The following MYH9 variants were observed in gnomAD, a reference collection of about 807,000 sequenced individuals.
MYH9 encodes the protein myosin heavy chain 9.
Under a neutral mutation model 241.9 loss-of-function variants are expected in MYH9, and 29 were observed. The ratio of observed to expected loss-of-function variants is 0.12; its 90% CI spans 0.09 to 0.16. MYH9 has a LOEUF of 0.16. Among genes scored for constraint, MYH9 ranks in the 10% least tolerant of loss-of-function variants. MYH9 has a pLI of 1.00. For missense variants in MYH9, 1,803 were observed against 2,595.5 expected (o/e 0.69, Z 6.63); for synonymous variants, 1,047 against 1,062.6 (o/e 0.99, Z 0.29).
At chr22:36,358,847 A>C (rs372308445) in intron 1 of MYH9, among the ~76,000 whole-genome samples, 2 of 152,220 alleles carry the variant, frequency 1.3e-5, no homozygotes, top group African/African-American at 4.8e-5. Context: ...TTATTTGATC[A>C]GTTCAAAATG....
chr22:36,301,653 G>A lies in MYH9; in HGVS notation c.2512C>T (p.Leu838=), dbSNP rs2016879741. ...TCCTCCTCCTGCCGGCTCACCTGCAGCAGCGGCTTGACCTGGGAGAGGAGA... is the reference window on the plus strand; with the variant it reads ...TCCTCCTCCTGCCGGCTCACCTGCAACAGCGGCTTGACCTGGGAGAGGAGA... ...WRLFTKVKPL[L]QVSRQEEEMM... is the part of the protein sequence containing the mutation. Residue 838 remains leucine (L), a synonymous_variant, in exon 21 of 41, where the codon CTG becomes TTG. Transcript: ENST00000216181. The A allele has an allele frequency of 6.2e-7, 1 of 1,613,654 alleles. No homozygotes were observed. The highest frequency in any genetic ancestry group is 8.5e-7 in the Non-Finnish European group (1 of 1,180,024).
intron 1 of MYH9, among the ~76,000 whole-genome samples, chr22:36,356,798 A>G (rs2017864436): frequency 6.6e-6 from 1 of 152,186 alleles, no homozygotes. Flanking sequence ...TGGAGTGTCC[A>G]CCTGGGCAAT....
Position 36,306,389 on chromosome 22 carries a change from G to A in MYH9, c.2037+25C>T, listed in dbSNP as rs200459178. ...CACCCCACACCACAGTGCCCTGCCC[G>A]GGCCACCCCACCAGGCAGCCGCACC... On this transcript the variant is annotated intron_variant, in intron 16 of 40. Transcript: ENST00000216181. The surrounding 1 kb of genome is among the most constrained non-coding windows in gnomAD (Gnocchi z 4.1). 47 of 1,613,634 alleles carry A rather than the reference G, an allele frequency of 2.9e-5. No individual in the cohort carries two copies. In the East Asian group the frequency reaches 4.0e-4, roughly 14 times the overall value.
At chr22:36,368,741 A>T (rs189565345) in intron 1 of MYH9, among the ~76,000 whole-genome samples, 3 of 152,218 alleles carry the variant, frequency 2.0e-5, no homozygotes, top group East Asian at 3.9e-4. Context: ...CAGGAATTTA[A>T]TAAGCCTGGA....
intron 1 of MYH9, among the ~76,000 whole-genome samples, chr22:36,357,747 C>T (rs2017878616): frequency 6.6e-6 from 1 of 152,156 alleles, no homozygotes; most frequent in Admixed American, 6.5e-5. Flanking sequence ...CCCAGGACCC[C>T]ATAAAAATGG....
chr22:36,325,239 C>A (rs2017317263), intron 5 of MYH9: 2 of 645,820 alleles, frequency 3.1e-6, no homozygotes, highest in Non-Finnish European at 5.5e-6. Flanking sequence ...ACTCCTGACG[C>A]CCCATGGAAA....
intron 13 of MYH9, among the ~76,000 whole-genome samples, chr22:36,313,396 G>A (rs1273934063): frequency 7.2e-6 from 1 of 139,040 alleles, no homozygotes; most frequent in Non-Finnish European, 1.5e-5. Flanking sequence ...AGCTTGCAGT[G>A]AGCCAAGATC....
At chr22:36,376,802 G>A (rs1031304520) in intron 1 of MYH9, among the ~76,000 whole-genome samples, 4 of 152,176 alleles carry the variant, frequency 2.6e-5, no homozygotes, top group African/African-American at 9.7e-5. Context: ...AGTGGCTCAT[G>A]CCTGTAATCC....
In MYH9 at chr22:36,330,085, G is replaced by A. The variant is rs989378434; in HGVS notation, c.491-2597C>T. Among the ~76,000 whole-genome samples, 6 of 152,138 alleles carry A rather than the reference G, an allele frequency of 3.9e-5. No homozygotes were observed. The highest frequency in any genetic ancestry group is 2.1e-4 in the South Asian group (1 of 4,832). ...CACAGGCACACACACTTCAAATTCC[G>A]AAACCCCAGAGCCAAATTCAGTGTC... On this transcript the variant is annotated intron_variant, in intron 3 of 40. Coordinates refer to ENST00000216181, the MANE Select transcript of MYH9 (RefSeq NM_002473.6). This position sits in a 1 kb window ranked among gnomAD's most constrained non-coding sequence, Gnocchi z 4.5.
At chr22:36,314,642 T>G (rs2017121679) in intron 12 of MYH9, among the ~76,000 whole-genome samples, 1 of 144,896 alleles carries the variant, frequency 6.9e-6, no homozygotes, top group Admixed American at 6.7e-5. Context: ...AATACATTGT[T>G]TTTTTTTTTT....
intron 31 of MYH9, 88 bp from the exon 32 acceptor site, chr22:36,289,385 A>T (rs2016648971): frequency 7.7e-7 from 1 of 1,292,448 alleles, no homozygotes; most frequent in South Asian, 1.3e-5. Flanking sequence ...GGGAAGGAGG[A>T]GCCCAGAGGC....
chr22:36,326,723 T>G, intron 4 of MYH9, 62 bp from the exon 5 acceptor site: 4 of 1,380,256 alleles, frequency 2.9e-6, no homozygotes, highest in Non-Finnish European at 4.1e-6. Flanking sequence ...CCTCTGTCCC[T>G]TCCCACTGCA....
chr22:36,351,666 C>T (rs898114754), intron 1 of MYH9, among the ~76,000 whole-genome samples: 4 of 152,082 alleles, frequency 2.6e-5, no homozygotes, highest in African/African-American at 7.2e-5. Context: ...GTCTCCCCAT[C>T]GCGCCCCTGC....
At chr22:36,364,873 T>A (rs1825875135) in intron 1 of MYH9, 1 of 152,204 alleles carries the variant, frequency 6.6e-6, no homozygotes, top group Non-Finnish European at 1.5e-5. Context: ...AACAGCAAAC[T>A]TTGCAGCTTG....
chr22:36,371,747 C>G (rs2018093509), intron 1 of MYH9, among the ~76,000 whole-genome samples: 1 of 152,052 alleles, frequency 6.6e-6, no homozygotes, highest in Non-Finnish European at 1.5e-5. Context: ...GTTGGCCTGG[C>G]TGGTCTCGAA....
At position 36,295,119 on chromosome 22, in the gene MYH9, G is replaced by C. The variant is rs139310975; in HGVS notation, c.3486-43C>G. 6.2e-7 allele frequency: 1 copy of C among 1,613,614 alleles called. No individual in the cohort carries two copies. Among genetic ancestry groups the C allele is most frequent in the African/African-American group, 1.3e-5 (1 of 75,022 alleles). ...CTCAGAGTGGAGGCCGGGGATGCTG[G>C]AGCGAGGCTGTCCCTGGGGCTCTTC... On this transcript the variant is annotated intron_variant, in intron 26 of 40. Coordinates refer to ENST00000216181, the MANE Select transcript of MYH9 (RefSeq NM_002473.6). This position sits in a 1 kb window ranked among gnomAD's most constrained non-coding sequence, Gnocchi z 4.1.
At chr22:36,325,162 G>T in intron 5 of MYH9, 1 of 746,982 alleles carries the variant, frequency 1.3e-6, no homozygotes. Context: ...GAGGGAGAGA[G>T]GGATGGAGAG....
chr22:36,328,194 C>G (rs1329644256), intron 3 of MYH9, among the ~76,000 whole-genome samples: 1 of 152,220 alleles, frequency 6.6e-6, no homozygotes, highest in Non-Finnish European at 1.5e-5. Context: ...GTTTCTGTGA[C>G]AACCTGTTCT....
At position 36,293,431 on chromosome 22, in the gene MYH9, G is replaced by A. The variant is rs1467586075; in HGVS notation, c.3993C>T (p.Leu1331=). The A allele has an allele frequency of 6.2e-7, 1 of 1,613,778 alleles. No homozygotes were observed. The highest frequency in any genetic ancestry group is 2.2e-5 in the East Asian group (1 of 44,888). The change falls in exon 30 of 41, where the codon CTC becomes CTT. Residue 1331 remains leucine, a synonymous_variant. Coordinates refer to ENST00000216181, the MANE Select transcript of MYH9 (RefSeq NM_002473.6). This position sits in a 1 kb window ranked among gnomAD's most constrained non-coding sequence, Gnocchi z 5.1. ...NRQKLSLSTK[L]KQVEDEKNSF... is the part of the protein sequence containing the mutation. ...AATTCTTCTCGTCCTCCACCTGCTT[G>A]AGCTTGGTGCTCAGGCTCAGCTTCT...
Sources: allele counts gnomAD v4.1 joint callset (sites outside exome capture counted in the v4.1 genomes callset), GRCh38; gene constraint gnomAD v4.1.1; non-coding constraint Gnocchi (gnomAD v3.1); transcripts MANE v1.5; gene names NCBI Gene and HGNC (gene_info 2026-07-23, HGNC 2026-07-21).